The following MSRA variants were observed in gnomAD, a reference collection of about 807,000 sequenced individuals.
The protein encoded by MSRA is mitochondrial peptide methionine sulfoxide reductase.
A neutral mutation model predicts 31.3 loss-of-function variants in MSRA; 54 were observed. The observed-to-expected ratio is 1.73, with a 90% CI of 1.39 to 2.17. The LOEUF (loss-of-function observed/expected upper bound fraction) is 2.17, where lower values mean the gene tolerates loss of function less well. Among genes scored for constraint, MSRA ranks in the 30% most tolerant of loss-of-function variants. The probability of loss-of-function intolerance (pLI) is 0.00; values close to 1 mark genes in which losing one functional copy is unlikely to be tolerated. For missense variants in MSRA, 507 were observed against 300.9 expected (o/e 1.69, Z -5.07); for synonymous variants, 169 against 116.5 (o/e 1.45, Z -2.90).
chr8:10,408,438 A>G (rs1015244803), intron 5 of MSRA, among the ~76,000 whole-genome samples: 32 of 152,222 alleles, frequency 2.1e-4, no homozygotes, highest in Admixed American at 7.8e-4. Flanking sequence ...GCTACCCAAG[A>G]GGCTGAGGCA....
chr8:10,191,047 G>A (rs974744605), intron 1 of MSRA, among the ~76,000 whole-genome samples: 8 of 152,132 alleles, frequency 5.3e-5, no homozygotes, highest in Non-Finnish European at 7.4e-5. Context: ...TAAGCATAGC[G>A]TCCCATTCTT....
chr8:10,186,657 A>C (rs1258199786), intron 1 of MSRA, among the ~76,000 whole-genome samples: 2 of 152,148 alleles, frequency 1.3e-5, no homozygotes, highest in East Asian at 3.8e-4. Flanking sequence ...AGCGCATACA[A>C]TTTAAACCTT....
At chr8:10,111,117 G>A (rs751420651) in intron 1 of MSRA, among the ~76,000 whole-genome samples, 2 of 152,148 alleles carry the variant, frequency 1.3e-5, no homozygotes, top group Non-Finnish European at 2.9e-5. Context: ...GGACAAAAGG[G>A]TTTCCGTGTT....
chr8:10,321,665 C>G (rs1367507171), intron 5 of MSRA, among the ~76,000 whole-genome samples: 4 of 152,256 alleles, frequency 2.6e-5, no homozygotes, highest in South Asian at 4.1e-4. Context: ...GATTGTGGCT[C>G]GTATTGTGAA....
chr8:10,237,445 C>T (rs1812039858), intron 2 of MSRA, among the ~76,000 whole-genome samples: 1 of 152,184 alleles, frequency 6.6e-6, no homozygotes, highest in Admixed American at 6.5e-5. Flanking sequence ...AACCAAATTA[C>T]TAATATGACA....
At chr8:10,075,317 C>G (rs1163109237) in intron 1 of MSRA, among the ~76,000 whole-genome samples, 2 of 152,118 alleles carry the variant, frequency 1.3e-5, no homozygotes, top group Non-Finnish European at 2.9e-5. Flanking sequence ...CAATAAAACT[C>G]TTTTAGTATA....
intron 3 of MSRA, among the ~76,000 whole-genome samples, chr8:10,274,539 C>A (rs1409708476): frequency 6.6e-6 from 1 of 152,180 alleles, no homozygotes; most frequent in African/African-American, 2.4e-5. Context: ...AAGGTCCATT[C>A]CAATCTGGAG....
intron 1 of MSRA, among the ~76,000 whole-genome samples, chr8:10,059,446 A>G (rs1026643413): frequency 2.6e-5 from 4 of 152,232 alleles, no homozygotes; most frequent in Non-Finnish European, 4.4e-5. Flanking sequence ...ATATGAACGT[A>G]GTCAGTTTGG....
At chr8:10,197,061 T>C (rs1808058186) in intron 1 of MSRA, among the ~76,000 whole-genome samples, 1 of 152,224 alleles carries the variant, frequency 6.6e-6, no homozygotes. Context: ...AACGTTGTTA[T>C]TCACAAGGGT....
At chr8:10,296,207 A>G (rs1800532770) in intron 3 of MSRA, among the ~76,000 whole-genome samples, 1 of 152,188 alleles carries the variant, frequency 6.6e-6, no homozygotes, top group South Asian at 2.1e-4. Flanking sequence ...ATGAAGAATG[A>G]ATGAATGGAT....
intron 3 of MSRA, among the ~76,000 whole-genome samples, chr8:10,277,847 A>AG (rs386412049): frequency 2.1e-4 from 2 of 9,756 alleles, no homozygotes; most frequent in Admixed American, 1.9e-3. Context: ...TACATATTTG[A>AG]AAGTTCATGT....
intron 1 of MSRA, among the ~76,000 whole-genome samples, chr8:10,195,791 A>C (rs1229356567): frequency 6.6e-6 from 1 of 152,248 alleles, no homozygotes; most frequent in East Asian, 1.9e-4. Context: ...TGTAAAGTTT[A>C]TAATGACACA....
chr8:10,074,380 CCTGT>C (rs1355790938), intron 1 of MSRA, among the ~76,000 whole-genome samples: 1 of 151,844 alleles, frequency 6.6e-6, no homozygotes, highest in African/African-American at 2.4e-5. Flanking sequence ...CCGCACCCAG[CCTGT>C]CTAAGGGAGT....
At chr8:10,106,659 C>T (rs1799902733) in intron 1 of MSRA, among the ~76,000 whole-genome samples, 1 of 152,182 alleles carries the variant, frequency 6.6e-6, no homozygotes, top group African/African-American at 2.4e-5. Context: ...TAAATCAAGT[C>T]CTCTGCTTCC....
chr8:10,068,129 C>T (rs1797555806), intron 1 of MSRA, among the ~76,000 whole-genome samples: 1 of 152,010 alleles, frequency 6.6e-6, no homozygotes, highest in South Asian at 2.1e-4. Context: ...AGCAGACTGC[C>T]CGCCTTGGTC....
chr8:10,280,921 A>T (rs1799589935), intron 3 of MSRA, among the ~76,000 whole-genome samples: 1 of 152,250 alleles, frequency 6.6e-6, no homozygotes, highest in South Asian at 2.1e-4. Context: ...AGAGTGTATG[A>T]TTCTATTTAT....
chr8:10,245,271 C>T (rs375681213), intron 3 of MSRA, 48 bp downstream of exon 3: 3 of 1,563,514 alleles, frequency 1.9e-6, no homozygotes, highest in African/African-American at 2.7e-5. Context: ...CAAGGGAGGG[C>T]TTGTCACTAC....
At chr8:10,358,375 C>T (rs946187026) in intron 5 of MSRA, among the ~76,000 whole-genome samples, 43 of 151,994 alleles carry the variant, frequency 2.8e-4, no homozygotes, top group African/African-American at 1.0e-3. Flanking sequence ...TTTTTTAATC[C>T]CTCTATTCTC....
At chr8:10,374,911 A>G (rs554986657) in intron 5 of MSRA, among the ~76,000 whole-genome samples, 2 of 152,174 alleles carry the variant, frequency 1.3e-5, no homozygotes, top group South Asian at 2.1e-4. Flanking sequence ...TTCATGCAAG[A>G]GCTGGTTGCT....
Sources: gnomAD v4.1 joint callset for allele counts (sites outside exome capture counted in the v4.1 genomes callset) on GRCh38, gnomAD v4.1.1 for gene constraint, MANE v1.5 for transcripts, NCBI Gene and HGNC (gene_info 2026-07-23, HGNC 2026-07-21) for gene names.